The following CACNA2D1 variants were observed in gnomAD, a reference collection of about 807,000 sequenced individuals.
CACNA2D1 encodes calcium voltage-gated channel auxiliary subunit alpha2delta 1.
A neutral mutation model predicts 171.5 loss-of-function variants in CACNA2D1; 53 were observed. The observed-to-expected ratio is 0.31, with a 90% CI of 0.25 to 0.39. The LOEUF (loss-of-function observed/expected upper bound fraction) is 0.39. Ranked by LOEUF, CACNA2D1 falls within the 10% of genes least tolerant of loss-of-function variation. CACNA2D1 has a pLI of 1.00. For missense variants in CACNA2D1, 903 were observed against 1,299.8 expected (o/e 0.69, Z 4.69); for synonymous variants, 442 against 443.1 (o/e 1.00, Z 0.03).
At chr7:82,286,933 G>A (rs1189929570) in intron 3 of CACNA2D1, among the ~76,000 whole-genome samples, 2 of 152,056 alleles carry the variant, frequency 1.3e-5, no homozygotes, top group African/African-American at 4.8e-5. Flanking sequence ...AGCACAGCAG[G>A]TCCAGGGCAT....
At chr7:82,388,986 C>G (rs1242790819) in intron 1 of CACNA2D1, among the ~76,000 whole-genome samples, 1 of 151,658 alleles carries the variant, frequency 6.6e-6, no homozygotes, top group Non-Finnish European at 1.5e-5. Context: ...CATGGTGGCA[C>G]ACACCTGTAA....
intron 3 of CACNA2D1, among the ~76,000 whole-genome samples, chr7:82,281,381 C>T (rs1232463829): frequency 1.3e-5 from 2 of 152,158 alleles, no homozygotes; most frequent in Admixed American, 6.5e-5. Flanking sequence ...CAGATGGATG[C>T]TACACAAAGG....
At chr7:82,061,624 A>T (rs1466608061) in intron 9 of CACNA2D1, among the ~76,000 whole-genome samples, 1 of 152,166 alleles carries the variant, frequency 6.6e-6, no homozygotes, top group Admixed American at 6.6e-5. Context: ...AACAAAGACC[A>T]TGGCATTGCA....
intron 5 of CACNA2D1, among the ~76,000 whole-genome samples, chr7:82,123,926 T>C (rs1198861577): frequency 6.6e-6 from 1 of 152,012 alleles, no homozygotes; most frequent in Non-Finnish European, 1.5e-5. Context: ...TATATAAGCA[T>C]ATATCATACA....
intron 4 of CACNA2D1, among the ~76,000 whole-genome samples, chr7:82,151,794 G>C (rs541351014): frequency 6.6e-6 from 1 of 151,964 alleles, no homozygotes. Context: ...TTTCTAGCAC[G>C]TAAGAAACTC....
chr7:82,057,516 T>A (rs1806069266), intron 10 of CACNA2D1, among the ~76,000 whole-genome samples: 1 of 151,780 alleles, frequency 6.6e-6, no homozygotes, highest in East Asian at 1.9e-4. Context: ...AACCTAAATC[T>A]ATAGCTACTA....
chr7:82,298,449 C>T (rs911390296), intron 3 of CACNA2D1, among the ~76,000 whole-genome samples: 3 of 152,044 alleles, frequency 2.0e-5, no homozygotes, highest in South Asian at 4.1e-4. Context: ...TCTGAATGAC[C>T]GTATTTACTC....
chr7:82,025,516 T>C (rs1801775166), intron 12 of CACNA2D1, among the ~76,000 whole-genome samples: 1 of 151,722 alleles, frequency 6.6e-6, no homozygotes, highest in Non-Finnish European at 1.5e-5. Context: ...CCTGCAATGT[T>C]ACTGAATTTT....
chr7:82,424,209 A>G (rs1159518292), intron 1 of CACNA2D1, among the ~76,000 whole-genome samples: 1 of 152,164 alleles, frequency 6.6e-6, no homozygotes, highest in Non-Finnish European at 1.5e-5. Flanking sequence ...TCAGACAACC[A>G]GCAGCACTCT....
chr7:82,125,658 C>A (rs933768212), intron 5 of CACNA2D1, among the ~76,000 whole-genome samples: 1 of 151,978 alleles, frequency 6.6e-6, no homozygotes, highest in African/African-American at 2.4e-5. Context: ...TGGGAGGATA[C>A]CTTGAGGCAG....
At chr7:82,196,353 C>T (rs758411796) in intron 3 of CACNA2D1, among the ~76,000 whole-genome samples, 6 of 151,998 alleles carry the variant, frequency 3.9e-5, no homozygotes, top group Non-Finnish European at 8.8e-5. Context: ...GTCATAAAGA[C>T]AATGCTAGAA....
At chr7:82,005,207 A>C in intron 18 of CACNA2D1, 1 of 520,806 alleles carries the variant, frequency 1.9e-6, no homozygotes, top group Non-Finnish European at 3.5e-6. Flanking sequence ...TTGAGATAAA[A>C]ATGTTGCAGC....
intron 4 of CACNA2D1, among the ~76,000 whole-genome samples, chr7:82,142,985 C>T (rs190129236): frequency 3.7e-4 from 57 of 152,222 alleles, no homozygotes; most frequent in African/African-American, 1.3e-3. Flanking sequence ...ACCAACAGCA[C>T]TGTAACACTG....
chr7:82,443,103 G>C (rs1164049668), intron 1 of CACNA2D1, among the ~76,000 whole-genome samples: 1 of 152,148 alleles, frequency 6.6e-6, no homozygotes, highest in Non-Finnish European at 1.5e-5. Flanking sequence ...GAGACGCCGC[G>C]AGTCGTCGGC....
chr7:81,953,730 T>C (rs1239393936), intron 38 of CACNA2D1, among the ~76,000 whole-genome samples: 1 of 152,034 alleles, frequency 6.6e-6, no homozygotes. Context: ...TAAACAGGAG[T>C]ACTCCCCAGT....
Position 82,401,200 on chromosome 7 carries a change from T to A in CACNA2D1, c.95+42165A>T, listed in dbSNP as rs191292471. Among the ~76,000 whole-genome samples the A allele has an allele frequency of 7.7e-3, 1,165 of 152,272 alleles. 19 individuals are homozygous for A. Among genetic ancestry groups the A allele is most frequent in the African/African-American group, 0.024 (994 of 41,530 alleles). ...ATACCATTTGACGAAGCCATCCCAT[T>A]ACTGGGTATATACCCAAAGGACTAT... On this transcript the variant is annotated intron_variant, in intron 1 of 38. Transcript: ENST00000356860.
At chr7:82,158,171 CAT>C (rs930892356) in intron 4 of CACNA2D1, among the ~76,000 whole-genome samples, 6 of 151,798 alleles carry the variant, frequency 4.0e-5, no homozygotes, top group African/African-American at 1.4e-4. Flanking sequence ...TTTGTACAAA[CAT>C]ATGTAAACTA....
chr7:82,257,555 T>C (rs1026457036), intron 3 of CACNA2D1, among the ~76,000 whole-genome samples: 1 of 152,184 alleles, frequency 6.6e-6, no homozygotes, highest in Admixed American at 6.5e-5. Flanking sequence ...GAGATCACAA[T>C]AAAGAAATAC....
chr7:82,065,815 T>C (rs181034488), intron 8 of CACNA2D1, among the ~76,000 whole-genome samples: 58 of 152,332 alleles, frequency 3.8e-4, no homozygotes, highest in African/African-American at 1.2e-3. Flanking sequence ...AAAGCACTTA[T>C]ACTGTATATG....
Sources: gnomAD v4.1 joint callset for allele counts (sites outside exome capture counted in the v4.1 genomes callset) on GRCh38, gnomAD v4.1.1 for gene constraint, MANE v1.5 for transcripts, NCBI Gene and HGNC (gene_info 2026-07-23, HGNC 2026-07-21) for gene names.